The following TNR variants were observed in gnomAD, a reference collection of about 807,000 sequenced individuals.
The protein encoded by TNR is tenascin R.
In TNR, 45 loss-of-function variants were observed where a neutral mutation model predicts 150.4. That is an observed-to-expected ratio of 0.30 (90% CI 0.24 to 0.38). The LOEUF (loss-of-function observed/expected upper bound fraction) is 0.38. TNR is among the 10% of genes least tolerant of loss of function. TNR has a pLI of 1.00. For missense variants in TNR, 1,544 were observed against 1,759.1 expected (o/e 0.88, Z 2.19); for synonymous variants, 687 against 678.4 (o/e 1.01, Z -0.20).
intron 8 of TNR, 111 bp from the exon 9 acceptor site, chr1:175,379,848 C>G (rs1285588434): frequency 8.1e-7 from 1 of 1,234,532 alleles, no homozygotes; most frequent in Non-Finnish European, 1.1e-6. Context: ...CCCTGACCCT[C>G]TGGCTCACAT....
At chr1:175,706,403 GAGA>G (rs1666843439) in intron 1 of TNR, among the ~76,000 whole-genome samples, 1 of 152,114 alleles carries the variant, frequency 6.6e-6, no homozygotes, top group African/African-American at 2.4e-5. Flanking sequence ...ACCACCCATT[GAGA>G]AGGACATTAA....
At chr1:175,443,327 T>C (rs529448655) in intron 2 of TNR, among the ~76,000 whole-genome samples, 1 of 152,318 alleles carries the variant, frequency 6.6e-6, no homozygotes, top group African/African-American at 2.4e-5. Flanking sequence ...CCTTATAGTT[T>C]TGGAGAATGT....
At chr1:175,331,445 A>G (rs975176759) in intron 20 of TNR, among the ~76,000 whole-genome samples, 3 of 151,880 alleles carry the variant, frequency 2.0e-5, no homozygotes, top group African/African-American at 7.3e-5. Context: ...TTGTATTTTT[A>G]GTAAAGATGG....
chr1:175,477,456 C>T (rs1657592706), intron 2 of TNR, among the ~76,000 whole-genome samples: 1 of 152,128 alleles, frequency 6.6e-6, no homozygotes, highest in African/African-American at 2.4e-5. Flanking sequence ...ATTTTTGTGT[C>T]AACTGCTTAT....
intron 1 of TNR, among the ~76,000 whole-genome samples, chr1:175,544,894 A>G (rs1660628104): frequency 6.6e-6 from 1 of 152,192 alleles, no homozygotes; most frequent in South Asian, 2.1e-4. Flanking sequence ...ATAGAATGTG[A>G]GCAAAGGTGA....
At chr1:175,349,004 C>T (rs1650929766) in intron 18 of TNR, among the ~76,000 whole-genome samples, 1 of 152,120 alleles carries the variant, frequency 6.6e-6, no homozygotes, top group African/African-American at 2.4e-5. Flanking sequence ...TAAACTCAAA[C>T]TAATGATTAA....
chr1:175,497,520 GCAAT>G (rs1658537673), intron 2 of TNR, among the ~76,000 whole-genome samples: 2 of 152,172 alleles, frequency 1.3e-5, no homozygotes, highest in Non-Finnish European at 2.9e-5. Flanking sequence ...TCTGTAAAGG[GCAAT>G]CAAATAGTCA....
At chr1:175,474,922 T>C (rs1657479067) in intron 2 of TNR, among the ~76,000 whole-genome samples, 1 of 152,214 alleles carries the variant, frequency 6.6e-6, no homozygotes, top group South Asian at 2.1e-4. Context: ...TCTGACTTCA[T>C]CAACTGTTGT....
intron 1 of TNR, among the ~76,000 whole-genome samples, chr1:175,640,862 C>T (rs1213096251): frequency 2.0e-5 from 3 of 150,834 alleles, no homozygotes; most frequent in African/African-American, 7.4e-5. Flanking sequence ...AGCAAATTTT[C>T]CTTCTAAGAA....
chr1:175,422,511 A>G (rs2102063209), intron 2 of TNR, among the ~76,000 whole-genome samples: 1 of 152,282 alleles, frequency 6.6e-6, no homozygotes. Flanking sequence ...ATCTGGGAGA[A>G]CTGCTGCTGG....
At chr1:175,604,858 T>G (rs1264836563) in intron 1 of TNR, among the ~76,000 whole-genome samples, 1 of 152,064 alleles carries the variant, frequency 6.6e-6, no homozygotes, top group East Asian at 1.9e-4. Flanking sequence ...ATGATAGAAA[T>G]CATACCTGTA....
At chr1:175,580,979 G>T (rs531563251) in intron 1 of TNR, among the ~76,000 whole-genome samples, 1 of 152,318 alleles carries the variant, frequency 6.6e-6, no homozygotes, top group African/African-American at 2.4e-5. Flanking sequence ...TGTGTGAAAA[G>T]GTAGTTATGA....
intron 1 of TNR, among the ~76,000 whole-genome samples, chr1:175,657,205 C>T (rs1431333086): frequency 6.6e-6 from 1 of 152,112 alleles, no homozygotes; most frequent in South Asian, 2.1e-4. Flanking sequence ...AAATGCAAAT[C>T]AAAACCATAA....
chr1:175,535,627 A>AT (rs34901178), intron 1 of TNR, among the ~76,000 whole-genome samples: 9,568 of 138,850 alleles, frequency 0.069, 895 homozygotes, highest in African/African-American at 0.21. Flanking sequence ...TGCCCGGCTA[A>AT]TTTTTTTTTT....
intron 1 of TNR, among the ~76,000 whole-genome samples, chr1:175,672,913 C>T (rs1371119286): frequency 6.6e-6 from 1 of 152,150 alleles, no homozygotes; most frequent in Non-Finnish European, 1.5e-5. Flanking sequence ...CTTCTTATTC[C>T]AAGTCTGCAT....
chr1:175,536,481 C>T lies in TNR; in HGVS notation c.-164-8112G>A, dbSNP rs367572970. On this transcript the variant is annotated intron_variant, in intron 1 of 22. Coordinates refer to ENST00000367674, the MANE Select transcript of TNR (RefSeq NM_003285.3). ...ATTTTACAGTCAGGAAACTGAGACA[C>T]AAAGTGATTGTGTAACTTGCTCAAG... Among the ~76,000 whole-genome samples, 69 of 152,306 alleles carry T rather than the reference C, an allele frequency of 4.5e-4. 1 individual carries two copies. The South Asian group carries it at 0.014, about 31-fold the overall frequency.
chr1:175,577,723 T>C (rs1026109761), intron 1 of TNR, among the ~76,000 whole-genome samples: 1 of 152,168 alleles, frequency 6.6e-6, no homozygotes, highest in Admixed American at 6.5e-5. Context: ...GTTCAGAATC[T>C]GTGGTCTACC....
At chr1:175,378,468 G>A (rs1166936647) in intron 9 of TNR, among the ~76,000 whole-genome samples, 1 of 152,230 alleles carries the variant, frequency 6.6e-6, no homozygotes, top group Non-Finnish European at 1.5e-5. Flanking sequence ...CCTGAGGAGT[G>A]CTAAGAAGTG....
chr1:175,677,906 T>G, intron 1 of TNR, among the ~76,000 whole-genome samples: 1 of 151,180 alleles, frequency 6.6e-6, no homozygotes, highest in African/African-American at 2.4e-5. Context: ...AGATCAAGAA[T>G]GACAGAGAGA....
Sources: gnomAD v4.1 joint callset for allele counts (sites outside exome capture counted in the v4.1 genomes callset) on GRCh38, gnomAD v4.1.1 for gene constraint, MANE v1.5 for transcripts, NCBI Gene and HGNC (gene_info 2026-07-23, HGNC 2026-07-21) for gene names.